The following CNGB3 variants were observed in gnomAD, a reference collection of about 807,000 sequenced individuals.
The protein encoded by CNGB3 is cyclic nucleotide-gated channel beta-3.
Under a neutral mutation model 92.8 loss-of-function variants are expected in CNGB3, and 86 were observed. The observed-to-expected ratio is 0.93, with a 90% CI of 0.78 to 1.11. CNGB3 has a LOEUF of 1.11. Among genes scored for constraint, CNGB3 ranks in the 50% least tolerant of loss-of-function variants. The pLI is 0.00. For missense variants in CNGB3, 1,026 were observed against 956.8 expected, an observed-to-expected ratio of 1.07 and a Z score of -0.95; for synonymous variants, 333 against 332.7, an observed-to-expected ratio of 1.00 and a Z score of -0.01.
intron 3 of CNGB3, among the ~76,000 whole-genome samples, chr8:86,688,418 G>T (rs1055741531): frequency 6.6e-6 from 1 of 151,992 alleles, no homozygotes; most frequent in Non-Finnish European, 1.5e-5. Flanking sequence ...TCTGCAGCAT[G>T]ATATTGAGAC....
At position 86,670,979 on chromosome 8, in the gene CNGB3, C is replaced by A; in HGVS notation, c.458G>T (p.Gly153Val). 1 of 1,612,824 alleles carries A rather than the reference C, an allele frequency of 6.2e-7. No homozygotes were observed. The highest frequency in any genetic ancestry group is 8.5e-7 in the Non-Finnish European group (1 of 1,180,004). The stretch of plus-strand genomic sequence containing the variant: ...GCTGGCTTCGGGTGAGGAGAGATCT[C>A]CCTCTACCAACTTTTTCTTGTAGAG... ...TALYKKKLVE[G>V]DLSSPEASPQ... Residue 153 changes from glycine (G) to valine (V), a missense_variant, in exon 4 of 18, where the codon GGA becomes GTA. Physicochemically the swap from Gly to Val is moderately radical, Grantham distance 109. Transcript: ENST00000320005.
chr8:86,693,198 G>C (rs1174993536), intron 3 of CNGB3, among the ~76,000 whole-genome samples: 2 of 152,024 alleles, frequency 1.3e-5, no homozygotes, highest in Admixed American at 6.6e-5. Flanking sequence ...CCTGATGACT[G>C]TGTGCCCAAG....
chr8:86,722,633 GAATGGTTTCCC>G (rs1365981026), intron 3 of CNGB3, among the ~76,000 whole-genome samples: 2 of 152,180 alleles, frequency 1.3e-5, no homozygotes, highest in East Asian at 3.9e-4. Context: ...GAGCAAAGCA[GAATGGTTTCCC>G]TAATGTGGGT....
At chr8:86,640,682 A>C (rs1185357639) in intron 10 of CNGB3, among the ~76,000 whole-genome samples, 1 of 152,120 alleles carries the variant, frequency 6.6e-6, no homozygotes, top group African/African-American at 2.4e-5. Flanking sequence ...AAGCCAATTA[A>C]GATCATTAAA....
intron 3 of CNGB3, among the ~76,000 whole-genome samples, chr8:86,693,559 G>A (rs928474458): frequency 9.3e-5 from 14 of 149,940 alleles, no homozygotes; most frequent in Admixed American, 7.3e-4. Flanking sequence ...AGTGAACAAA[G>A]GTCTCTGGTT....
At chr8:86,707,635 G>A (rs1824674510) in intron 3 of CNGB3, 1 of 152,336 alleles carries the variant, frequency 6.6e-6, no homozygotes, top group Non-Finnish European at 1.5e-5. Context: ...ACCTCGGCAT[G>A]AGATGGGAAA....
chr8:86,677,119 G>GGA (rs976526841), intron 3 of CNGB3, among the ~76,000 whole-genome samples: 8 of 152,228 alleles, frequency 5.3e-5, no homozygotes, highest in African/African-American at 1.9e-4. Context: ...CCAAAAGCTG[G>GGA]GAGAGAGAGC....
chr8:86,629,346 C>T (rs1166529505), intron 11 of CNGB3, among the ~76,000 whole-genome samples: 2 of 152,104 alleles, frequency 1.3e-5, no homozygotes, highest in Admixed American at 6.5e-5. Context: ...ATAAGGACAA[C>T]AATAAGACCT....
At chr8:86,663,995 C>T (rs144016603) in intron 6 of CNGB3, among the ~76,000 whole-genome samples, 430 of 152,212 alleles carry the variant, frequency 2.8e-3, no homozygotes, top group African/African-American at 1.0e-2. Context: ...TGATTTTCTC[C>T]CCCCTTGTGA....
At chr8:86,580,157 C>T (rs949092924) in intron 15 of CNGB3, among the ~76,000 whole-genome samples, 2 of 143,594 alleles carry the variant, frequency 1.4e-5, no homozygotes, top group Admixed American at 7.1e-5. Context: ...CATCAGCTCT[C>T]CTGGGAACTC....
rs1248719254 is a variant in CNGB3 at position 86,587,813 on chromosome 8, C to T, written c.1782-8561G>A. On this transcript the variant is annotated intron_variant, in intron 15 of 17. Transcript: ENST00000320005. ...TTCTTTTGGCTTAGGATTGACTTGGCGATGCGGGCTCTTTTTTGGTTCCAT... is the reference window on the plus strand; with the variant it reads ...TTCTTTTGGCTTAGGATTGACTTGGTGATGCGGGCTCTTTTTTGGTTCCAT... Among the ~76,000 whole-genome samples, 92 of 150,884 alleles carry T rather than the reference C, an allele frequency of 6.1e-4. 1 individual carries two copies. The highest frequency in any genetic ancestry group is 5.1e-3 in the South Asian group (24 of 4,720).
At chr8:86,613,165 G>A (rs1822552284) in intron 13 of CNGB3, among the ~76,000 whole-genome samples, 1 of 152,058 alleles carries the variant, frequency 6.6e-6, no homozygotes, top group Non-Finnish European at 1.5e-5. Context: ...TTATGCAGAG[G>A]GAAATTTACC....
Position 86,659,907 on chromosome 8 carries a change from T to C in CNGB3, c.853-5845A>G, listed in dbSNP as rs574394432. 1.0e-5 allele frequency: 4 copies of C among 393,086 alleles called. No individual in the cohort carries two copies. In the Admixed American group the frequency reaches 1.3e-4, roughly 13 times the overall value. The allele number at this position is 393,086 out of a possible 1,614,324, so 24.3% of individuals were successfully genotyped here. On this transcript the variant is annotated intron_variant, in intron 6 of 17. Coordinates refer to ENST00000320005, the MANE Select transcript of CNGB3 (RefSeq NM_019098.5). The stretch of plus-strand genomic sequence containing the variant: ...CTCCCCATTGACAAAGGATGTAGAC[T>C]CAGAGGCAAGACAATTGAGCTGTTG...
chr8:86,626,882 A>G (rs1303506150), intron 12 of CNGB3, among the ~76,000 whole-genome samples: 1 of 151,694 alleles, frequency 6.6e-6, no homozygotes, highest in Non-Finnish European at 1.5e-5. Flanking sequence ...GTTCTGGGGT[A>G]CATGTGCAAG....
intron 14 of CNGB3, among the ~76,000 whole-genome samples, chr8:86,609,017 C>T (rs938682412): frequency 2.0e-5 from 3 of 152,206 alleles, no homozygotes; most frequent in Admixed American, 6.5e-5. Context: ...AGCCCACCGA[C>T]CCTGTGGGGC....
chr8:86,629,043 C>T lies in CNGB3; in HGVS notation c.1356G>A (p.Gln452=), dbSNP rs34839859. 15,575 of 1,613,948 alleles carry T rather than the reference C, an allele frequency of 9.7e-3. 1,272 individuals are homozygous for T. The African/African-American group carries it at 0.18, about 19-fold the overall frequency. The change falls in exon 12 of 18, where the codon CAG becomes CAA. Residue 452 remains glutamine, a synonymous_variant. Transcript: ENST00000320005. ...RDVIGAATAN[Q]NYFRACMDDT... ...CATCCATGCAGGCGCGGAAGTAGTTCTGATTGGCTGTAGCTGCTCCAATCA... is the reference window on the plus strand; with the variant it reads ...CATCCATGCAGGCGCGGAAGTAGTTTTGATTGGCTGTAGCTGCTCCAATCA...
Position 86,632,819 on chromosome 8 carries a change from A to G in CNGB3, c.1253T>C (p.Phe418Ser), listed in dbSNP as rs1563734026. 1 of 1,613,026 alleles carries G rather than the reference A, an allele frequency of 6.2e-7. No homozygotes were observed. The highest frequency in any genetic ancestry group is 1.1e-5 in the South Asian group (1 of 91,030). The change falls in exon 11 of 18, where the codon TTT (phenylalanine) becomes TCT (serine). Residue 418 changes from phenylalanine to serine, a missense_variant. Phe to Ser is a radical substitution (Grantham distance 155). Transcript: ENST00000320005. ...IGGLPEPQTLFEIVFQLLNFF... is the reference protein window; with the variant it reads ...IGGLPEPQTLSEIVFQLLNFF... ...ATTCAAGAGTTGAAAAACAATTTCA[A>G]ATAAAGTTTGTGGTTCTGGAAGGCC...
intron 14 of CNGB3, among the ~76,000 whole-genome samples, chr8:86,610,548 C>T (rs866265802): frequency 1.3e-5 from 2 of 152,216 alleles, no homozygotes; most frequent in African/African-American, 4.8e-5. Context: ...GGACAGGTGC[C>T]CCTCCTTTGT....
At chr8:86,665,905 A>G (rs1296674587) in intron 6 of CNGB3, among the ~76,000 whole-genome samples, 1 of 152,112 alleles carries the variant, frequency 6.6e-6, no homozygotes, top group Non-Finnish European at 1.5e-5. Flanking sequence ...AAATTGGGGA[A>G]AAAAAAGGGT....
Sources: gnomAD v4.1 joint callset for allele counts (sites outside exome capture counted in the v4.1 genomes callset) on GRCh38, gnomAD v4.1.1 for gene constraint, MANE v1.5 for transcripts, NCBI Gene and HGNC (gene_info 2026-07-23, HGNC 2026-07-21) for gene names.